Variants in HTR1D observed in about 807,000 individuals in gnomAD.
The protein encoded by HTR1D is 5-hydroxytryptamine receptor 1D, also known as 5-HT-1D.
HTR1D carries 18 observed loss-of-function variants against 21.1 expected under a neutral mutation model. That is an observed-to-expected ratio of 0.85 (90% CI 0.59 to 1.27). The LOEUF (loss-of-function observed/expected upper bound fraction) is 1.27. Ranked by LOEUF, HTR1D falls within the 50% of genes most tolerant of loss-of-function variation. The pLI is 0.00. For synonymous variants in HTR1D, 196 were observed against 204.4 expected (o/e 0.96, Z 0.35); for missense variants, 456 against 481.4 (o/e 0.95, Z 0.49).
intron 1 of HTR1D, among the ~76,000 whole-genome samples, chr1:23,210,156 TCA>T (rs968570526): frequency 2.6e-5 from 4 of 152,182 alleles, no homozygotes; most frequent in Non-Finnish European, 5.9e-5. Flanking sequence ...TGATCTCGGC[TCA>T]CTGCAATCTC....
At chr1:23,209,498 G>A (rs373574638) in intron 1 of HTR1D, among the ~76,000 whole-genome samples, 2 of 151,870 alleles carry the variant, frequency 1.3e-5, no homozygotes, top group Non-Finnish European at 2.9e-5. Flanking sequence ...GGACAGTAGG[G>A]GGGGAGGGCG....
At position 23,193,294 on chromosome 1, in the gene HTR1D, G is replaced by A; in HGVS notation, c.926C>T (p.Ala309Val). 6.2e-7 allele frequency: 1 copy of A among 1,614,142 alleles called. No individual in the cohort carries two copies. Among genetic ancestry groups the A allele is most frequent in the Non-Finnish European group, 8.5e-7 (1 of 1,180,024 alleles). ...GAAGGGCAGCCAGCAGATGATAAAG[G>A]CCCCCAGAATGATGCCCAGGATTTT... ...ATKILGIILG[A>V]FIICWLPFFV... Residue 309 changes from alanine to valine, a missense_variant, in exon 2 of 2, where the codon GCC becomes GTC. By Grantham distance (64) the Ala-to-Val change is moderately conservative. Coordinates refer to ENST00000374619, the MANE Select transcript of HTR1D (RefSeq NM_000864.5).
In HTR1D at chr1:23,204,108, T is replaced by C. The variant is rs147779841; in HGVS notation, c.-782-9107A>G. Among the ~76,000 whole-genome samples the C allele has an allele frequency of 7.5e-3, 1,136 of 152,150 alleles. 16 individuals are homozygous for C. The highest frequency in any genetic ancestry group is 0.025 in the African/African-American group (1,041 of 41,476). ...GGAACTGTGAGTCAATTCAGCCTCT[T>C]TCTTTATAAGTTACCCAGTCTCTTT... On this transcript the variant is annotated intron_variant, in intron 1 of 1. Transcript: ENST00000374619.
rs71020483 is a variant in HTR1D, at chr1:23,199,415, C to CTTTTTT, written c.-782-4420_-782-4415dup. Among the ~76,000 whole-genome samples, 3 of 46,298 alleles carry CTTTTTT rather than the reference C, an allele frequency of 6.5e-5. 1 individual carries two copies. The highest frequency in any genetic ancestry group is 7.5e-5 in the Non-Finnish European group (2 of 26,552). The allele number at this position is 46,298 out of a possible 152,430, so 30.4% of individuals were successfully genotyped here. A position where few individuals can be genotyped will look rare whatever the true frequency, so the allele number is the denominator to read the frequency against. On this transcript the variant is annotated intron_variant, in intron 1 of 1. Coordinates refer to ENST00000374619, the MANE Select transcript of HTR1D (RefSeq NM_000864.5). ...ACAGGTGTGAGCCGCCATGTGTGGT[C>CTTTTTT]TTTTTTTTTTTTTTTTTTTTTTTTT...
chr1:23,195,860 GCTC>G, intron 1 of HTR1D, among the ~76,000 whole-genome samples: 1 of 151,966 alleles, frequency 6.6e-6, no homozygotes, highest in East Asian at 1.9e-4. Flanking sequence ...ATAGGATCTA[GCTC>G]TGTCCCCCAG....
At chr1:23,216,514 C>G (rs1044882344) in intron 1 of HTR1D, among the ~76,000 whole-genome samples, 1 of 152,210 alleles carries the variant, frequency 6.6e-6, no homozygotes, top group Admixed American at 6.5e-5. Flanking sequence ...CCCGAACTTT[C>G]CCAGACCTGG....
chr1:23,200,767 TCACCAGAAACAAAGTATCA>T (rs1644706566), intron 1 of HTR1D, among the ~76,000 whole-genome samples: 1 of 152,142 alleles, frequency 6.6e-6, no homozygotes, highest in African/African-American at 2.4e-5. Context: ...ATCACTTCCC[TCACCAGAAACAAAGTATCA>T]CTGCCCGTTT....
At chr1:23,200,520 AT>A (rs1644705536) in intron 1 of HTR1D, among the ~76,000 whole-genome samples, 1 of 152,092 alleles carries the variant, frequency 6.6e-6, no homozygotes, top group African/African-American at 2.4e-5. Flanking sequence ...AATATAGTCA[AT>A]GGTTTCTTTT....
chr1:23,213,367 C>G (rs761401779), intron 1 of HTR1D, among the ~76,000 whole-genome samples: 1 of 152,146 alleles, frequency 6.6e-6, no homozygotes, highest in Non-Finnish European at 1.5e-5. Flanking sequence ...ATAGTCCCAG[C>G]TACTTGGGAG....
At chr1:23,195,252 T>A (rs1011085096) in intron 1 of HTR1D, among the ~76,000 whole-genome samples, 1 of 152,170 alleles carries the variant, frequency 6.6e-6, no homozygotes, top group Non-Finnish European at 1.5e-5. Context: ...GCTCTGTAAG[T>A]TGTGAATCAG....
rs1644669625 is a variant in HTR1D at position 23,193,503 on chromosome 1, G to A, written c.717C>T (p.Phe239=). The change falls in exon 2 of 2, where the codon TTC becomes TTT. Residue 239 remains phenylalanine (F), a synonymous_variant. Coordinates refer to ENST00000374619, the MANE Select transcript of HTR1D (RefSeq NM_000864.5). ...LNPPSLYGKR[F]TTAHLITGSA... is the part of the protein sequence containing the mutation. The stretch of plus-strand genomic sequence containing the variant: ...AGCCTGTGATGAGGTGGGCCGTGGT[G>A]AAGCGCTTCCCATAGAGTGAGGGTG... 6.2e-7 allele frequency: 1 copy of A among 1,614,062 alleles called. No individual in the cohort carries two copies. Among genetic ancestry groups the A allele is most frequent in the Non-Finnish European group, 8.5e-7 (1 of 1,179,908 alleles).
At chr1:23,205,277 G>A (rs1049546312) in intron 1 of HTR1D, among the ~76,000 whole-genome samples, 4 of 152,140 alleles carry the variant, frequency 2.6e-5, no homozygotes, top group South Asian at 2.1e-4. Context: ...AAAAGACTAC[G>A]AATAGGGTGC....
chr1:23,197,857 C>T (rs1044455083), intron 1 of HTR1D, among the ~76,000 whole-genome samples: 1 of 151,152 alleles, frequency 6.6e-6, no homozygotes, highest in Non-Finnish European at 1.5e-5. Flanking sequence ...GGCAACATAG[C>T]AAGACTATCT....
chr1:23,211,393 G>A (rs1232988966), intron 1 of HTR1D, among the ~76,000 whole-genome samples: 3 of 152,134 alleles, frequency 2.0e-5, no homozygotes, highest in African/African-American at 2.4e-5. Flanking sequence ...TAGGGGGACA[G>A]GTAGCCTGCT....
intron 1 of HTR1D, among the ~76,000 whole-genome samples, chr1:23,204,420 C>T (rs142481247): frequency 6.6e-6 from 1 of 152,286 alleles, no homozygotes; most frequent in African/African-American, 2.4e-5. Flanking sequence ...CCACCATGCC[C>T]GGCCACACTC....
intron 1 of HTR1D, among the ~76,000 whole-genome samples, chr1:23,208,208 T>C (rs1644739360): frequency 1.3e-5 from 2 of 152,148 alleles, no homozygotes; most frequent in South Asian, 4.1e-4. Flanking sequence ...GTGGGCAGAT[T>C]GCTTGAGCCC....
chr1:23,194,960 A>G lies in HTR1D; in HGVS notation c.-741T>C, dbSNP rs1162039414. Among the ~76,000 whole-genome samples the G allele has an allele frequency of 6.6e-6, 1 of 152,244 alleles. No individual in the cohort carries two copies. The highest frequency in any genetic ancestry group is 1.5e-5 in the Non-Finnish European group (1 of 68,042). ...TAAGCTGGGACCAGGCAAAACAAAC[A>G]GATCACTGTGGGCTCACAGAGCAGG... is the stretch of plus-strand genomic sequence containing the variant. On this transcript the variant is annotated 5_prime_UTR_variant, in exon 2 of 2. Transcript: ENST00000374619.
rs72659715 is a variant in HTR1D at position 23,216,252 on chromosome 1, G to C, written c.-783+1039C>G. Among the ~76,000 whole-genome samples, 818 of 152,372 alleles carry C rather than the reference G, an allele frequency of 5.4e-3. 6 individuals carry two copies. Among genetic ancestry groups the C allele is most frequent in the Non-Finnish European group, 8.7e-3 (589 of 68,044 alleles). ...TGCAAGGAAGAGTGGAGGGGTTGCT[G>C]CTGCTGCTACTCAGAGAAATGATGG... On this transcript the variant is annotated intron_variant, in intron 1 of 1. Transcript: ENST00000374619.
chr1:23,209,093 T>C (rs953620482), intron 1 of HTR1D, among the ~76,000 whole-genome samples: 1 of 151,404 alleles, frequency 6.6e-6, no homozygotes, highest in African/African-American at 2.4e-5. Context: ...CCTCTCTGGT[T>C]CAAGCAATTC....
Sources: gnomAD v4.1 joint callset for allele counts (sites outside exome capture counted in the v4.1 genomes callset) on GRCh38, gnomAD v4.1.1 for gene constraint, MANE v1.5 for transcripts, NCBI Gene and HGNC (gene_info 2026-07-23, HGNC 2026-07-21) for gene names.